The following AOPEP variants were observed in gnomAD, a reference collection of about 807,000 sequenced individuals.
AOPEP encodes aminopeptidase O.
A neutral mutation model predicts 98.1 loss-of-function variants in AOPEP; 77 were observed. The ratio of observed to expected loss-of-function variants is 0.78; its 90% confidence interval spans 0.65 to 0.95. The LOEUF (loss-of-function observed/expected upper bound fraction) is 0.95. Among genes scored for constraint, AOPEP ranks in the 40% least tolerant of loss-of-function variants. The probability of loss-of-function intolerance (pLI) is 0.00; values close to 1 mark genes in which losing one functional copy is unlikely to be tolerated. For missense variants in AOPEP, 1,024 were observed against 1,024.7 expected, an observed-to-expected ratio of 1.00 and a Z score of 0.01; for synonymous variants, 346 against 365.3, an observed-to-expected ratio of 0.95 and a Z score of 0.60.
chr9:94,990,463 A>T (rs942276937), intron 11 of AOPEP, among the ~76,000 whole-genome samples: 20 of 152,330 alleles, frequency 1.3e-4, no homozygotes, highest in African/African-American at 4.8e-4. Flanking sequence ...TCAAAGAACT[A>T]GGACAAAGAT....
rs1396891744 is a variant in AOPEP, at chr9:94,973,058, A to C, written c.1916+5257A>C. On this transcript the variant is annotated intron_variant, in intron 10 of 16. Transcript: ENST00000375315. Reference sequence around the variant, plus strand: ...TCGACACAGATGTAAATTGAATTCCAGAAAAGGGCATTTTCCATTCCAGAC... The same window carrying C: ...TCGACACAGATGTAAATTGAATTCCCGAAAAGGGCATTTTCCATTCCAGAC... Among the ~76,000 whole-genome samples the C allele has an allele frequency of 2.8e-4, 42 of 152,256 alleles. 1 individual carries two copies. Among genetic ancestry groups the C allele is most frequent in the Admixed American group, 2.7e-3 (42 of 15,282 alleles).
intron 10 of AOPEP, among the ~76,000 whole-genome samples, chr9:94,978,069 A>G (rs924331077): frequency 1.8e-4 from 27 of 152,234 alleles, no homozygotes; most frequent in African/African-American, 5.5e-4. Context: ...TCCCAAAGCC[A>G]ACCCCTCCTT....
At chr9:94,905,013 T>C (rs959568648) in intron 5 of AOPEP, among the ~76,000 whole-genome samples, 16 of 152,242 alleles carry the variant, frequency 1.1e-4, no homozygotes, top group African/African-American at 3.4e-4. Context: ...GATTTCATTA[T>C]TTGCTGAAAG....
chr9:94,979,519 T>C, intron 11 of AOPEP, 92 bp downstream of exon 11: 1 of 786,256 alleles, frequency 1.3e-6, no homozygotes. Context: ...TCTTAATATA[T>C]GTGTAGGAAA....
intron 10 of AOPEP, among the ~76,000 whole-genome samples, chr9:94,974,641 C>T (rs951434214): frequency 3.3e-5 from 5 of 152,076 alleles, no homozygotes; most frequent in Admixed American, 2.0e-4. Flanking sequence ...AGGGCAACCA[C>T]GCAGGAGCCA....
intron 11 of AOPEP, among the ~76,000 whole-genome samples, chr9:95,002,510 A>G (rs1028411916): frequency 2.0e-5 from 3 of 152,246 alleles, no homozygotes; most frequent in Non-Finnish European, 1.5e-5. Context: ...TTGGTTCCTC[A>G]GTTATAATAA....
At chr9:94,997,623 ACT>A (rs1564499737) in intron 11 of AOPEP, among the ~76,000 whole-genome samples, 1 of 152,088 alleles carries the variant, frequency 6.6e-6, no homozygotes, top group African/African-American at 2.4e-5. Flanking sequence ...CCTTCTGGTG[ACT>A]CTAATAAGCA....
chr9:95,134,083 T>C, the AOPEP span, among the ~76,000 whole-genome samples: 152 of 152,326 alleles, frequency 1.0e-3, 2 homozygotes, highest in African/African-American at 3.6e-3. Context: ...GGGATCCGTG[T>C]GTGCAGCCTG....
At chr9:95,023,271 A>G (rs980492966) in intron 13 of AOPEP, among the ~76,000 whole-genome samples, 4 of 152,234 alleles carry the variant, frequency 2.6e-5, no homozygotes, top group African/African-American at 9.6e-5. Flanking sequence ...AGGAGAGACC[A>G]GGAAGTGTAG....
At chr9:94,777,962 A>G (rs571798066) in intron 3 of AOPEP, among the ~76,000 whole-genome samples, 1 of 152,294 alleles carries the variant, frequency 6.6e-6, no homozygotes, top group East Asian at 1.9e-4. Flanking sequence ...AAACAATAAA[A>G]AACCCCACAT....
At position 94,980,890 on chromosome 9, in the gene AOPEP, C is replaced by T. The variant is rs1449679072; in HGVS notation, c.1977+1463C>T. Among the ~76,000 whole-genome samples the T allele has an allele frequency of 6.6e-6, 1 of 152,206 alleles. No individual in the cohort carries two copies. Among genetic ancestry groups the T allele is most frequent in the Non-Finnish European group, 1.5e-5 (1 of 68,040 alleles). ...GTGTGAATAACCAACCCTTTTCCTTCATGTTTCAGATGGGAGTGCAGGTGG... is the reference window on the plus strand; with the variant it reads ...GTGTGAATAACCAACCCTTTTCCTTTATGTTTCAGATGGGAGTGCAGGTGG... On this transcript the variant is annotated intron_variant, in intron 11 of 16. Coordinates refer to ENST00000375315, the MANE Select transcript of AOPEP (RefSeq NM_001193329.3). This position sits in a 1 kb window ranked among gnomAD's most constrained non-coding sequence, Gnocchi z 4.3.
At chr9:94,845,814 C>T (rs1037422741) in intron 5 of AOPEP, among the ~76,000 whole-genome samples, 9 of 152,060 alleles carry the variant, frequency 5.9e-5, no homozygotes, top group African/African-American at 1.4e-4. Flanking sequence ...GAGTCTGGGC[C>T]GGGTGCAGTG....
intron 5 of AOPEP, among the ~76,000 whole-genome samples, chr9:94,831,806 C>G (rs932064262): frequency 6.6e-6 from 1 of 151,730 alleles, no homozygotes; most frequent in Non-Finnish European, 1.5e-5. Flanking sequence ...CCTGGAAATA[C>G]AGCTAACAAG....
chr9:95,136,399 A>C, the AOPEP span, among the ~76,000 whole-genome samples: 1 of 151,962 alleles, frequency 6.6e-6, no homozygotes, highest in South Asian at 2.1e-4. Flanking sequence ...AAAAAATCCA[A>C]TTTCATATAT....
chr9:94,731,668 T>C (rs1204068968), intron 1 of AOPEP, among the ~76,000 whole-genome samples: 3 of 152,168 alleles, frequency 2.0e-5, no homozygotes, highest in African/African-American at 7.2e-5. Context: ...TTCTTTTGCA[T>C]TTGGGCATCT....
At chr9:94,818,282 G>T (rs1411039737) in intron 5 of AOPEP, among the ~76,000 whole-genome samples, 3 of 152,188 alleles carry the variant, frequency 2.0e-5, no homozygotes, top group African/African-American at 7.2e-5. Flanking sequence ...AAATTTGGTA[G>T]TTTTATGGGT....
At chr9:94,867,930 AAATGAGAGGCCGGAC>A (rs1341632026) in intron 5 of AOPEP, among the ~76,000 whole-genome samples, 2 of 152,230 alleles carry the variant, frequency 1.3e-5, no homozygotes, top group Non-Finnish European at 2.9e-5. Context: ...CCAGCCAGGA[AAATGAGAGGCCGGAC>A]AGAGTAACAT....
At chr9:94,863,532 T>C (rs1405246940) in intron 5 of AOPEP, among the ~76,000 whole-genome samples, 1 of 152,180 alleles carries the variant, frequency 6.6e-6, no homozygotes, top group Admixed American at 6.5e-5. Flanking sequence ...TCCGCCTGCA[T>C]GGCCTCCCAA....
chr9:95,115,585 G>A, the AOPEP span, among the ~76,000 whole-genome samples: 1 of 152,234 alleles, frequency 6.6e-6, no homozygotes. Context: ...CAGTCATCCT[G>A]TGGTTTTAAA....
Sources: allele counts gnomAD v4.1 joint callset (sites outside exome capture counted in the v4.1 genomes callset), GRCh38; gene constraint gnomAD v4.1.1; non-coding constraint Gnocchi (gnomAD v3.1); transcripts MANE v1.5; gene names NCBI Gene and HGNC (gene_info 2026-07-23, HGNC 2026-07-21).